The following CUL2 variants were observed in gnomAD, a reference collection of about 807,000 sequenced individuals.
CUL2 encodes the protein cullin-2.
Under a neutral mutation model 110.2 loss-of-function variants are expected in CUL2, and 22 were observed. The ratio of observed to expected loss-of-function variants is 0.20; its 90% CI spans 0.14 to 0.28. The LOEUF is 0.28. Among genes scored for constraint, CUL2 ranks in the 10% least tolerant of loss-of-function variants. CUL2 has a pLI of 1.00. For missense variants in CUL2, 631 were observed against 905.5 expected (o/e 0.70, Z 3.89); for synonymous variants, 279 against 293.2 (o/e 0.95, Z 0.49).
intron 10 of CUL2, 103 bp from the exon 11 acceptor site, chr10:35,033,376 T>G: frequency 1.4e-6 from 1 of 737,820 alleles, no homozygotes; most frequent in Middle Eastern, 2.5e-4. Context: ...TCAAGGAAAT[T>G]ATGTTTCACA....
At chr10:35,093,212 G>A (rs886825808), upstream of CUL2, among the ~76,000 whole-genome samples, 1 of 151,750 alleles carries the variant, frequency 6.6e-6, no homozygotes, top group Non-Finnish European at 1.5e-5. Context: ...CAACCCAGGG[G>A]GAGACTGATT....
Position 35,016,351 on chromosome 10 carries a change from C to T in CUL2, c.1728G>A (p.Met576Ile). 2 of 1,613,410 alleles carry T rather than the reference C, an allele frequency of 1.2e-6. No homozygotes were observed. Among genetic ancestry groups the T allele is most frequent in the Middle Eastern group, 1.6e-4 (1 of 6,062 alleles). The change falls in exon 18 of 21, where the codon ATG (methionine) becomes ATA (isoleucine). Residue 576 changes from methionine (M) to isoleucine (I), a missense_variant. By Grantham distance (10) the Met-to-Ile change is conservative (BLOSUM62 1). This residue lies in a region of CUL2 where 134 missense variants were observed against 260.4 expected (regional missense o/e 0.51). Transcript: ENST00000374749. Reference protein sequence around the residue: ...MNYLGKPYVAMVTTYQMAVLL... With the variant: ...MNYLGKPYVAIVTTYQMAVLL... ...GAACTGCCATTTGGTATGTTGTAAC[C>T]ATGGCTACATATGGTTTGCCCAAAT...
chr10:35,077,817 C>CA (rs200796040), intron 1 of CUL2, among the ~76,000 whole-genome samples: 20,944 of 106,870 alleles, frequency 0.2, 1,740 homozygotes, highest in East Asian at 0.29. Context: ...AACTCCGTCT[C>CA]AAAAAAAAAA....
chr10:35,086,412 C>G (rs1335617410), intron 1 of CUL2, among the ~76,000 whole-genome samples: 1 of 152,046 alleles, frequency 6.6e-6, no homozygotes, highest in Non-Finnish European at 1.5e-5. Flanking sequence ...CTCAACCTCC[C>G]TAGCAGCTGG....
chr10:35,126,743 C>T (rs755279691), upstream of CUL2: 2 of 152,410 alleles, frequency 1.3e-5, no homozygotes, highest in African/African-American at 4.8e-5. Context: ...CACCTCCAGG[C>T]TAGTTCCTCC....
chr10:35,025,202 T>TGA lies in CUL2; in HGVS notation c.1618-5_1618-4insTC. 11 of 1,434,410 alleles carry TGA rather than the reference T, an allele frequency of 7.7e-6. No individual in the cohort carries two copies. Among genetic ancestry groups the TGA allele is most frequent in the South Asian group, 1.5e-5 (1 of 68,830 alleles). The allele number at this position is 1,434,410 out of a possible 1,614,324, so 88.9% of individuals were successfully genotyped here. On this transcript the variant is annotated splice_region_variant and splice_polypyrimidine_tract_variant and intron_variant, in intron 16 of 20. Transcript: ENST00000374749. Reference sequence around the variant, plus strand: ...GTTGGCTATAAAATAATTCAAACTGTAAAAAAAAAAAAAAAACACACATTA... The same window carrying TGA: ...GTTGGCTATAAAATAATTCAAACTGTGAAAAAAAAAAAAAAAAACACACATTA...
intron 17 of CUL2, among the ~76,000 whole-genome samples, chr10:35,018,120 T>C (rs944102567): frequency 2.7e-5 from 1 of 37,152 alleles, no homozygotes; most frequent in Non-Finnish European, 6.1e-5. Flanking sequence ...CTACTAAAAA[T>C]ACAAAAAAAA....
chr10:35,100,004 C>T (rs559667176), intron 2 of CUL2, among the ~76,000 whole-genome samples: 57 of 151,908 alleles, frequency 3.8e-4, no homozygotes, highest in Non-Finnish European at 6.5e-4. Context: ...CAGAGTCTTG[C>T]TATGTTGCCC....
At chr10:35,112,112 CT>C (rs1311942294) in intron 1 of CUL2, among the ~76,000 whole-genome samples, 1 of 152,196 alleles carries the variant, frequency 6.6e-6, no homozygotes, top group African/African-American at 2.4e-5. Flanking sequence ...CTTAGAGGTT[CT>C]TCAAAGTAAA....
At chr10:35,079,746 T>C (rs2086902143) in intron 1 of CUL2, 1 of 154,822 alleles carries the variant, frequency 6.5e-6, no homozygotes, top group Admixed American at 6.5e-5. Flanking sequence ...TTTCAACTTT[T>C]CGTGTAAAGG....
rs111267338 is a variant in CUL2, at chr10:35,116,849, C to T, written c.-51+9756G>A. Among the ~76,000 whole-genome samples the T allele has an allele frequency of 6.3e-3, 961 of 151,744 alleles. 12 individuals carry two copies. Among genetic ancestry groups the T allele is most frequent in the African/African-American group, 0.022 (909 of 41,374 alleles). On this transcript the variant is annotated intron_variant, in intron 1 of 5. Coordinates refer to the CUL2 transcript ENST00000685421. ...GCGCACGCCTGTAGTCCCAGCTACC[C>T]GGGAGGCTGAGGTGGGAGAATCGCT...
At chr10:35,082,057 G>A (rs1001536125) in intron 1 of CUL2, among the ~76,000 whole-genome samples, 1 of 151,944 alleles carries the variant, frequency 6.6e-6, no homozygotes, top group African/African-American at 2.4e-5. Context: ...AGCATTTTGG[G>A]AGGCCAACGT....
chr10:35,036,771 T>C (rs1193826331), intron 9 of CUL2, among the ~76,000 whole-genome samples: 1 of 152,170 alleles, frequency 6.6e-6, no homozygotes, highest in Non-Finnish European at 1.5e-5. Flanking sequence ...TCTTACTCTG[T>C]CACCCAGGCT....
At chr10:35,082,536 C>T (rs1288841846) in intron 1 of CUL2, among the ~76,000 whole-genome samples, 1 of 152,110 alleles carries the variant, frequency 6.6e-6, no homozygotes, top group African/African-American at 2.4e-5. Context: ...AAACTATACC[C>T]TTAATGACGG....
intron 1 of CUL2, among the ~76,000 whole-genome samples, chr10:35,114,030 C>T (rs1022397257): frequency 6.6e-6 from 1 of 151,516 alleles, no homozygotes; most frequent in African/African-American, 2.4e-5. Flanking sequence ...GCCTCAGCCT[C>T]CCGAGTAGCT....
At chr10:35,022,693 T>C (rs928104547) in intron 17 of CUL2, among the ~76,000 whole-genome samples, 5 of 151,016 alleles carry the variant, frequency 3.3e-5, no homozygotes, top group African/African-American at 1.2e-4. Context: ...GACCAGTAAG[T>C]TCTGGAGATC....
intron 1 of CUL2, among the ~76,000 whole-genome samples, chr10:35,107,873 C>A (rs1240857221): frequency 4.4e-5 from 4 of 91,052 alleles, no homozygotes; most frequent in Non-Finnish European, 7.6e-5. Context: ...CAGAGCGAGA[C>A]TCCATCTCAA....
chr10:35,044,443 A>AT, intron 8 of CUL2, 123 bp downstream of exon 8: 1 of 602,610 alleles, frequency 1.7e-6, no homozygotes, highest in South Asian at 2.5e-5. Flanking sequence ...TAATGATTAA[A>AT]TAGATTAAAT....
At chr10:35,072,847 T>A (rs946757367) in intron 1 of CUL2, among the ~76,000 whole-genome samples, 2 of 152,188 alleles carry the variant, frequency 1.3e-5, no homozygotes, top group African/African-American at 4.8e-5. Flanking sequence ...ATGTCTCCCC[T>A]TATTAGCAGG....
Sources: allele counts gnomAD v4.1 joint callset (sites outside exome capture counted in the v4.1 genomes callset), GRCh38; gene constraint gnomAD v4.1.1; regional missense constraint gnomAD v4.1.1; transcripts MANE v1.5; gene names NCBI Gene and HGNC (gene_info 2026-07-23, HGNC 2026-07-21).